SHISA9: variants seen among roughly 807,000 people sequenced by gnomAD.
The protein encoded by SHISA9 is shisa family member 9.
SHISA9 carries 13 observed loss-of-function variants against 38.0 expected under a neutral mutation model. The ratio of observed to expected loss-of-function variants is 0.34; its 90% CI spans 0.22 to 0.54. SHISA9 has a LOEUF of 0.54. Ranked by LOEUF, SHISA9 falls within the 20% of genes least tolerant of loss-of-function variation. SHISA9 has a pLI of 0.91. For synonymous variants in SHISA9, 275 were observed against 242.0 expected (o/e 1.14, Z -1.27); for missense variants, 538 against 575.8 (o/e 0.93, Z 0.67).
intron 4 of SHISA9, among the ~76,000 whole-genome samples, chr16:13,214,381 T>A (rs752933399): frequency 3.3e-5 from 5 of 152,156 alleles, no homozygotes; most frequent in African/African-American, 1.2e-4. Context: ...TTTGAATTTT[T>A]TTTTTTAGTA....
intron 2 of SHISA9, among the ~76,000 whole-genome samples, chr16:13,093,219 C>A (rs1308864108): frequency 6.6e-6 from 1 of 152,094 alleles, no homozygotes; most frequent in South Asian, 2.1e-4. Flanking sequence ...TTACTTCAAC[C>A]TAGGGTGACA....
intron 2 of SHISA9, among the ~76,000 whole-genome samples, chr16:13,061,783 A>G (rs1465181715): frequency 6.6e-6 from 1 of 152,314 alleles, no homozygotes; most frequent in South Asian, 2.1e-4. Flanking sequence ...AGGCCAACAG[A>G]ATGAAAGAAA....
rs1290168801 is a variant in SHISA9, at chr16:13,202,403, C to T, written c.692-991C>T. Among the ~76,000 whole-genome samples the T allele has an allele frequency of 3.0e-5, 4 of 132,846 alleles. 1 individual carries two copies. The highest frequency in any genetic ancestry group is 6.5e-5 in the Non-Finnish European group (4 of 61,224). 87.2% of individuals were successfully genotyped at this position (132,846 alleles called of 152,430 possible). ...TAGATCTCAGCTCAGAAAAACCTTC[C>T]TGAATCTCTCTTTCCTTGAATCTCA... On this transcript the variant is annotated intron_variant, in intron 2 of 4. Coordinates refer to ENST00000558583, the MANE Select transcript of SHISA9 (RefSeq NM_001145204.3).
chr16:12,912,388 T>A (rs773853199), intron 1 of SHISA9, among the ~76,000 whole-genome samples: 26 of 152,170 alleles, frequency 1.7e-4, no homozygotes, highest in Non-Finnish European at 2.9e-4. Flanking sequence ...ACAGTAGCCA[T>A]TCTGATTACG....
chr16:12,926,835 G>A (rs562044096), intron 2 of SHISA9, among the ~76,000 whole-genome samples: 10 of 152,256 alleles, frequency 6.6e-5, no homozygotes, highest in South Asian at 2.1e-4. Context: ...TTTGCCCACC[G>A]CTGACTGAGG....
At chr16:13,066,720 A>G (rs1015686193) in intron 2 of SHISA9, among the ~76,000 whole-genome samples, 6 of 152,260 alleles carry the variant, frequency 3.9e-5, no homozygotes, top group African/African-American at 1.4e-4. Context: ...GGCACAAAGT[A>G]GGCATGTAGT....
chr16:13,187,933 A>G (rs2050844071), intron 2 of SHISA9, among the ~76,000 whole-genome samples: 1 of 152,150 alleles, frequency 6.6e-6, no homozygotes, highest in South Asian at 2.1e-4. Flanking sequence ...AGGTTCCTCC[A>G]ACCCCTGAGT....
the SHISA9 span, among the ~76,000 whole-genome samples, chr16:13,501,980 C>T: frequency 7.1e-6 from 1 of 141,014 alleles, no homozygotes; most frequent in East Asian, 2.1e-4. Context: ...GCAGCCTGGG[C>T]AACAAAGCGA....
rs1308262438 is a variant in SHISA9, at chr16:13,037,154, ACACT to A, written c.691+120340_691+120343del. On this transcript the variant is annotated intron_variant, in intron 2 of 4. Transcript: ENST00000558583. ...CACACACACACACACACACACACACACACTGTTGGTCCCAGATTCTGAAAGCGGA... is the reference window on the plus strand; with the variant it reads ...CACACACACACACACACACACACACAGTTGGTCCCAGATTCTGAAAGCGGA... Among the ~76,000 whole-genome samples, 179 of 145,886 alleles carry A rather than the reference ACACT, an allele frequency of 1.2e-3. 2 individuals carry two copies. Among genetic ancestry groups the A allele is most frequent in the African/African-American group, 4.3e-3 (169 of 39,514 alleles).
chr16:13,030,464 A>G (rs1596597733), intron 2 of SHISA9, among the ~76,000 whole-genome samples: 1 of 152,174 alleles, frequency 6.6e-6, no homozygotes, highest in African/African-American at 2.4e-5. Flanking sequence ...TAACATGCCC[A>G]TTAATGCTAG....
intron 2 of SHISA9, among the ~76,000 whole-genome samples, chr16:13,102,710 T>A (rs1355921094): frequency 1.3e-5 from 2 of 152,210 alleles, no homozygotes; most frequent in Admixed American, 6.5e-5. Flanking sequence ...GCCGCTATAA[T>A]GCTTCACTGC....
At chr16:13,357,554 A>C in the SHISA9 span, among the ~76,000 whole-genome samples, 1 of 152,170 alleles carries the variant, frequency 6.6e-6, no homozygotes, top group Non-Finnish European at 1.5e-5. Context: ...AGGTCCCCCG[A>C]TCCGAGTCAC....
intron 2 of SHISA9, among the ~76,000 whole-genome samples, chr16:13,194,601 C>T (rs895386170): frequency 2.0e-5 from 3 of 152,200 alleles, no homozygotes; most frequent in Non-Finnish European, 4.4e-5. Flanking sequence ...CTTCACCTTC[C>T]TCATCATTAT....
At chr16:13,129,555 A>C (rs962478206) in intron 2 of SHISA9, among the ~76,000 whole-genome samples, 1 of 152,224 alleles carries the variant, frequency 6.6e-6, no homozygotes, top group African/African-American at 2.4e-5. Flanking sequence ...AGCCTGGTAC[A>C]TCTGGTCTAG....
chr16:13,231,133 C>T (rs1196049989), intron 4 of SHISA9, among the ~76,000 whole-genome samples: 1 of 152,192 alleles, frequency 6.6e-6, no homozygotes, highest in Admixed American at 6.5e-5. Context: ...TGCTCTGGTT[C>T]ACATGCCTCT....
chr16:13,438,057 G>A, the SHISA9 span, among the ~76,000 whole-genome samples: 9 of 151,950 alleles, frequency 5.9e-5, no homozygotes, highest in Admixed American at 2.6e-4. Flanking sequence ...GTAGAGATGA[G>A]GTTTCACCAT....
At chr16:13,539,740 A>T in the SHISA9 span, among the ~76,000 whole-genome samples, 1 of 152,094 alleles carries the variant, frequency 6.6e-6, no homozygotes, top group African/African-American at 2.4e-5. Context: ...TTGAATCCTC[A>T]TCCTCCTCCC....
intron 2 of SHISA9, among the ~76,000 whole-genome samples, chr16:13,193,357 C>A (rs986950761): frequency 2.4e-4 from 37 of 152,022 alleles, no homozygotes; most frequent in African/African-American, 8.4e-4. Flanking sequence ...TTTTATTTGG[C>A]CTTTTTATTT....
chr16:13,349,033 C>A, the SHISA9 span, among the ~76,000 whole-genome samples: 1 of 152,278 alleles, frequency 6.6e-6, no homozygotes, highest in African/African-American at 2.4e-5. Context: ...AATTACCAAG[C>A]CAGTGTGTCT....
Sources: gnomAD v4.1 joint callset for allele counts (sites outside exome capture counted in the v4.1 genomes callset) on GRCh38, gnomAD v4.1.1 for gene constraint, MANE v1.5 for transcripts, NCBI Gene and HGNC (gene_info 2026-07-23, HGNC 2026-07-21) for gene names.